Variants in GRB10 observed in about 807,000 individuals in gnomAD.
GRB10 encodes the protein growth factor receptor-bound protein 10.
Under a neutral mutation model 80.9 loss-of-function variants are expected in GRB10, and 20 were observed. That is an observed-to-expected ratio of 0.25 (90% CI 0.17 to 0.36). The LOEUF is 0.36. Among genes scored for constraint, GRB10 ranks in the 10% least tolerant of loss-of-function variants. GRB10 has a pLI of 1.00. For synonymous variants in GRB10, 291 were observed against 291.5 expected (o/e 1.00, Z 0.02); for missense variants, 548 against 747.7 (o/e 0.73, Z 3.12).
chr7:50,602,370 C>A (rs1259722956), intron 17 of GRB10, among the ~76,000 whole-genome samples: 1 of 152,166 alleles, frequency 6.6e-6, no homozygotes, highest in Non-Finnish European at 1.5e-5. Flanking sequence ...CCCGACACCA[C>A]TAAACAGCAA....
intron 2 of GRB10, among the ~76,000 whole-genome samples, chr7:50,765,393 G>A (rs1332657405): frequency 1.3e-5 from 2 of 152,172 alleles, no homozygotes; most frequent in Admixed American, 6.5e-5. Context: ...ATTCACAATA[G>A]CCAAGATATG....
rs1158144094 is a variant in GRB10, at chr7:50,782,683, T to G, written c.-586A>C. The G allele has an allele frequency of 6.6e-6, 1 of 151,748 alleles. No homozygotes were observed. Among genetic ancestry groups the G allele is most frequent in the Non-Finnish European group, 1.5e-5 (1 of 67,904 alleles). 9.4% of individuals were successfully genotyped at this position (151,748 alleles called of 1,614,324 possible). A position where few individuals can be genotyped will look rare whatever the true frequency, so the allele number is the denominator to read the frequency against. Reference sequence around the variant, plus strand: ...GCACGAAAAGCGGGCCAACGCCGCCTCTGGGGACGCCATCCGGGCGAGGGT... The same window carrying G: ...GCACGAAAAGCGGGCCAACGCCGCCGCTGGGGACGCCATCCGGGCGAGGGT... On this transcript the variant is annotated 5_prime_UTR_variant, in exon 1 of 19. Transcript: ENST00000401949. This position sits in a 1 kb window ranked among gnomAD's most constrained non-coding sequence, Gnocchi z 6.6.
upstream of GRB10, among the ~76,000 whole-genome samples, chr7:50,786,263 C>A (rs1003680268): frequency 6.6e-6 from 1 of 151,994 alleles, no homozygotes; most frequent in South Asian, 2.1e-4. Context: ...TGGCTAAAAA[C>A]CAAATAACTG....
intron 4 of GRB10, among the ~76,000 whole-genome samples, chr7:50,729,730 C>T (rs557909658): frequency 4.9e-5 from 7 of 144,316 alleles, no homozygotes; most frequent in South Asian, 2.5e-4. Context: ...GAGCCCCCCC[C>T]GAAGACCAAG....
At chr7:50,774,830 A>C (rs1015980378) in intron 2 of GRB10, among the ~76,000 whole-genome samples, 2 of 152,048 alleles carry the variant, frequency 1.3e-5, no homozygotes, top group Non-Finnish European at 2.9e-5. Context: ...GTGAGACTCA[A>C]AGATGTGTTT....
chr7:50,663,676 C>T (rs975034338), intron 7 of GRB10, among the ~76,000 whole-genome samples: 2 of 152,236 alleles, frequency 1.3e-5, no homozygotes, highest in African/African-American at 4.8e-5. Context: ...AGCTGCCATC[C>T]TCTTGGTGAT....
At chr7:50,649,886 A>G (rs1052562992) in intron 7 of GRB10, among the ~76,000 whole-genome samples, 3 of 152,010 alleles carry the variant, frequency 2.0e-5, no homozygotes, top group African/African-American at 7.3e-5. Flanking sequence ...CTTCGACTAT[A>G]TTTTCTTTTG....
chr7:50,684,921 G>T (rs1036559690), intron 5 of GRB10, among the ~76,000 whole-genome samples: 2 of 152,118 alleles, frequency 1.3e-5, no homozygotes. Flanking sequence ...CATTCTGGAA[G>T]GTTCTCATTT....
chr7:50,681,002 A>G (rs953094071), intron 5 of GRB10, among the ~76,000 whole-genome samples: 2 of 152,200 alleles, frequency 1.3e-5, no homozygotes, highest in Admixed American at 1.3e-4. Context: ...AACACAAAAT[A>G]TGGAGACTAC....
intron 4 of GRB10, among the ~76,000 whole-genome samples, chr7:50,723,624 A>T (rs1206955779): frequency 6.6e-6 from 1 of 152,188 alleles, no homozygotes; most frequent in Non-Finnish European, 1.5e-5. Context: ...GTTCCAGCGA[A>T]GTGCCCCTGG....
At chr7:50,730,120 TATG>T (rs2069408252) in intron 4 of GRB10, among the ~76,000 whole-genome samples, 2 of 152,182 alleles carry the variant, frequency 1.3e-5, no homozygotes, top group Admixed American at 1.3e-4. Context: ...GTCAGAGAAT[TATG>T]ATGTGTCACA....
intron 5 of GRB10, among the ~76,000 whole-genome samples, chr7:50,695,876 A>G (rs1188068323): frequency 2.0e-5 from 3 of 152,248 alleles, no homozygotes; most frequent in Non-Finnish European, 2.9e-5. Context: ...GTGAATAAAA[A>G]TCACCCATAA....
chr7:50,664,337 C>T (rs1477097331), intron 7 of GRB10, among the ~76,000 whole-genome samples: 1 of 152,220 alleles, frequency 6.6e-6, no homozygotes, highest in Non-Finnish European at 1.5e-5. Context: ...TCACCCAGCA[C>T]CTGCAGGAAG....
intron 7 of GRB10, among the ~76,000 whole-genome samples, chr7:50,635,353 C>T (rs2054762296): frequency 6.6e-6 from 1 of 151,932 alleles, no homozygotes; most frequent in Admixed American, 6.6e-5. Flanking sequence ...AACATATCAA[C>T]ACCTCTGGAA....
At chr7:50,756,188 T>C (rs1473367562) in intron 2 of GRB10, 132 bp from the exon 3 acceptor site, 3 of 397,152 alleles carry the variant, frequency 7.6e-6, no homozygotes, top group African/African-American at 2.1e-5. Context: ...CATTTAAGAG[T>C]GTTCTGAAGA....
rs936983278 is a variant in GRB10 at position 50,591,363 on chromosome 7, G to A, written c.*1589C>T. ...GGCTACGGGGGTTGACTGAGGAGCA[G>A]AGAAATGCTGTTCCTTAGGGAACAC... On this transcript the variant is annotated 3_prime_UTR_variant, in exon 19 of 19. Transcript: ENST00000401949. The A allele has an allele frequency of 6.6e-6, 1 of 152,268 alleles. No individual in the cohort carries two copies. The highest frequency in any genetic ancestry group is 2.1e-4 in the South Asian group (1 of 4,828). The allele number at this position is 152,268 out of a possible 1,614,324, so 9.4% of individuals were successfully genotyped here.
At chr7:50,641,040 C>T (rs377129909) in intron 7 of GRB10, among the ~76,000 whole-genome samples, 18 of 152,124 alleles carry the variant, frequency 1.2e-4, no homozygotes, top group African/African-American at 4.1e-4. Flanking sequence ...CTCATGGGAA[C>T]GCGGTCCTGC....
At chr7:50,750,405 TCCTGCACCGTTTCTTGTCTTCCA>T (rs1562606721) in intron 3 of GRB10, among the ~76,000 whole-genome samples, 1 of 152,214 alleles carries the variant, frequency 6.6e-6, no homozygotes, top group Admixed American at 6.5e-5. Context: ...AAAGGGGCTT[TCCTGCACCGTTTCTTGTCTTCCA>T]CCTAAGCAGG....
chr7:50,738,738 A>G (rs2071223548), intron 3 of GRB10, among the ~76,000 whole-genome samples: 1 of 152,260 alleles, frequency 6.6e-6, no homozygotes, highest in Non-Finnish European at 1.5e-5. Flanking sequence ...AATGAGGAAT[A>G]GTTTTATAAG....
Sources: gnomAD v4.1 joint callset for allele counts (sites outside exome capture counted in the v4.1 genomes callset) on GRCh38, gnomAD v4.1.1 for gene constraint, Gnocchi (gnomAD v3.1) non-coding constraint, MANE v1.5 for transcripts, NCBI Gene and HGNC (gene_info 2026-07-23, HGNC 2026-07-21) for gene names.